SETD2: variants seen among roughly 807,000 people sequenced by gnomAD.
SETD2 encodes the protein histone-lysine N-methyltransferase SETD2.
SETD2 carries 31 observed loss-of-function variants against 242.1 expected under a neutral mutation model. The observed-to-expected ratio is 0.13, with a 90% confidence interval of 0.10 to 0.17. The LOEUF is 0.17. SETD2 is among the 10% of genes least tolerant of loss of function. SETD2 has a pLI of 1.00. For synonymous variants in SETD2, 1,006 were observed against 1,066.5 expected (o/e 0.94, Z 1.11); for missense variants, 2,481 against 3,046.3 (o/e 0.81, Z 4.37).
intron 1 of SETD2, among the ~76,000 whole-genome samples, chr3:47,152,744 G>A (rs138090131): frequency 6.6e-6 from 1 of 152,274 alleles, no homozygotes; most frequent in African/African-American, 2.4e-5. Context: ...TGGGCCACAG[G>A]AAGAACTACA....
chr3:47,038,349 C>T (rs995978086), intron 17 of SETD2, among the ~76,000 whole-genome samples: 31 of 152,176 alleles, frequency 2.0e-4, no homozygotes, highest in African/African-American at 7.2e-4. Flanking sequence ...CATGGTGGCT[C>T]ATGCCTGTAC....
chr3:47,163,633 G>A (rs1004303804), intron 1 of SETD2: 14 of 251,356 alleles, frequency 5.6e-5, no homozygotes, highest in Non-Finnish European at 1.0e-4. Context: ...GCCGCGACAC[G>A]AGCAGCGGCG....
At chr3:47,085,489 AT>A (rs568915016) in intron 11 of SETD2, among the ~76,000 whole-genome samples, 4 of 152,070 alleles carry the variant, frequency 2.6e-5, no homozygotes, top group Admixed American at 1.3e-4. Flanking sequence ...AAATCCAAGA[AT>A]TTTTTCTGAA....
Position 47,132,159 on chromosome 3 carries a change from A to C in SETD2, c.72-5496T>G, listed in dbSNP as rs185252011. Among the ~76,000 whole-genome samples, 455 of 136,962 alleles carry C rather than the reference A, an allele frequency of 3.3e-3. 2 individuals are homozygous for C. Among genetic ancestry groups the C allele is most frequent in the African/African-American group, 0.012 (423 of 35,132 alleles). 89.9% of individuals were successfully genotyped at this position (136,962 alleles called of 152,430 possible). On this transcript the variant is annotated intron_variant, in intron 1 of 20. Coordinates refer to ENST00000409792, the MANE Select transcript of SETD2 (RefSeq NM_014159.7). ...TTTTTTTTTTTTTTTTTGAGACAGG[A>C]TCTCATTCTGTCTTCCAGGCTGGAG...
intron 12 of SETD2, among the ~76,000 whole-genome samples, chr3:47,071,385 T>A (rs150913622): frequency 2.2e-4 from 34 of 152,284 alleles, no homozygotes; most frequent in African/African-American, 7.5e-4. Context: ...CAACACTCAA[T>A]TCCTTTCTGA....
At chr3:47,105,886 G>A in intron 6 of SETD2, 111 bp downstream of exon 6, 2 of 1,247,902 alleles carry the variant, frequency 1.6e-6, no homozygotes, top group South Asian at 1.4e-5. Flanking sequence ...CTGGGCGATA[G>A]AGCGAGACTC....
At chr3:47,119,385 A>T (rs542750377) in intron 3 of SETD2, 1 of 153,524 alleles carries the variant, frequency 6.5e-6, no homozygotes, top group Non-Finnish European at 1.5e-5. Flanking sequence ...TTAATCTATT[A>T]ACAATAGTCT....
At chr3:47,136,273 A>G (rs914867140) in intron 1 of SETD2, among the ~76,000 whole-genome samples, 9 of 151,950 alleles carry the variant, frequency 5.9e-5, no homozygotes, top group African/African-American at 2.2e-4. Context: ...ACCTCTTTCC[A>G]TAGTCCCTCC....
chr3:47,127,723 T>C (rs1272812154), intron 1 of SETD2, among the ~76,000 whole-genome samples: 5 of 152,086 alleles, frequency 3.3e-5, no homozygotes, highest in Non-Finnish European at 5.9e-5. Context: ...TAGCCGAGCA[T>C]GGTGGTGCGT....
At chr3:47,096,384 A>T (rs1273367740) in intron 9 of SETD2, among the ~76,000 whole-genome samples, 1 of 152,182 alleles carries the variant, frequency 6.6e-6, no homozygotes, top group African/African-American at 2.4e-5. Flanking sequence ...AGTGCTTGGC[A>T]TAAAGTTACA....
At chr3:47,127,183 CCT>C (rs1347380323) in intron 1 of SETD2, among the ~76,000 whole-genome samples, 1 of 151,698 alleles carries the variant, frequency 6.6e-6, no homozygotes, top group Non-Finnish European at 1.5e-5. Flanking sequence ...ATGGTGAAAC[CCT>C]GTCTCTATAA....
chr3:47,114,973 C>T (rs768342780), intron 4 of SETD2, among the ~76,000 whole-genome samples: 5 of 150,464 alleles, frequency 3.3e-5, no homozygotes, highest in Non-Finnish European at 7.4e-5. Flanking sequence ...ACATTTTTAG[C>T]AATGGTCAAA....
chr3:47,072,286 C>T (rs1033871897), intron 12 of SETD2, among the ~76,000 whole-genome samples: 4 of 151,596 alleles, frequency 2.6e-5, no homozygotes, highest in African/African-American at 7.3e-5. Context: ...TCAGCCTGGG[C>T]GACAGAGTGA....
At chr3:47,137,086 A>T (rs1244648279) in intron 1 of SETD2, among the ~76,000 whole-genome samples, 4 of 152,128 alleles carry the variant, frequency 2.6e-5, no homozygotes, top group Admixed American at 2.0e-4. Context: ...ATCTAAAATA[A>T]TTTTTTTAAA....
intron 1 of SETD2, among the ~76,000 whole-genome samples, chr3:47,154,933 G>A (rs2044092385): frequency 6.6e-6 from 1 of 152,002 alleles, no homozygotes; most frequent in South Asian, 2.1e-4. Flanking sequence ...GGCGGAGCTT[G>A]CAGTGAGCCG....
chr3:47,024,089 C>T (rs2038360264), intron 18 of SETD2, among the ~76,000 whole-genome samples: 1 of 152,118 alleles, frequency 6.6e-6, no homozygotes, highest in African/African-American at 2.4e-5. Context: ...CCTATAATCC[C>T]AGCACTTTGG....
At position 47,121,933 on chromosome 3, in the gene SETD2, T is replaced by C; in HGVS notation, c.2703A>G (p.Gly901=). 1 of 1,614,018 alleles carries C rather than the reference T, an allele frequency of 6.2e-7. No individual in the cohort carries two copies. Among genetic ancestry groups the C allele is most frequent in the South Asian group, 1.1e-5 (1 of 91,084 alleles). The change falls in exon 3 of 21, where the codon GGA becomes GGG. Residue 901 remains glycine (G), a synonymous_variant. Coordinates refer to ENST00000409792, the MANE Select transcript of SETD2 (RefSeq NM_014159.7). ...CATCCAGAACTGGAGATGTGTTCTC[T>C]CCGCATTTCAAGAGAGTTAGACTGT... The part of the protein sequence containing the change: ...KVDSLTLLKC[G]ENTSPVLDAV...
intron 16 of SETD2, among the ~76,000 whole-genome samples, chr3:47,045,180 G>A (rs1032694008): frequency 2.6e-5 from 4 of 152,106 alleles, no homozygotes; most frequent in African/African-American, 9.7e-5. Context: ...GAGGTCAGGA[G>A]TTCAAGACCA....
intron 13 of SETD2, among the ~76,000 whole-genome samples, chr3:47,065,982 C>A (rs1471423133): frequency 2.0e-5 from 3 of 152,100 alleles, no homozygotes; most frequent in Admixed American, 2.0e-4. Flanking sequence ...TACAGTCAAC[C>A]CTTGAACAAC....
Sources: allele counts gnomAD v4.1 joint callset (sites outside exome capture counted in the v4.1 genomes callset), GRCh38; gene constraint gnomAD v4.1.1; transcripts MANE v1.5; gene names NCBI Gene and HGNC (gene_info 2026-07-23, HGNC 2026-07-21).